The following AGO1 variants were observed in gnomAD, a reference collection of about 807,000 sequenced individuals.
AGO1 encodes the protein argonaute RISC component 1, also known as protein argonaute-1.
In AGO1, 11 loss-of-function variants were observed where a neutral mutation model predicts 109.2. The ratio of observed to expected loss-of-function variants is 0.10; its 90% CI spans 0.06 to 0.17. The LOEUF is 0.17. AGO1 is among the 10% of genes least tolerant of loss of function. The pLI is 1.00. For synonymous variants in AGO1, 422 were observed against 418.6 expected (o/e 1.01, Z -0.10); for missense variants, 574 against 1,140.3 (o/e 0.50, Z 7.15).
Position 35,888,333 on chromosome 1 carries a change from T to C in AGO1, c.26-94T>C. On this transcript the variant is annotated intron_variant, in intron 1 of 18. Transcript: ENST00000373204. The surrounding 1 kb of genome is among the most constrained non-coding windows in gnomAD (Gnocchi z 4.1). ...CAGGAAAGAGGCATTCTCTATACTCTCGTGTTCCTGTTCTGGGAGGCCTTG... is the reference window on the plus strand; with the variant it reads ...CAGGAAAGAGGCATTCTCTATACTCCCGTGTTCCTGTTCTGGGAGGCCTTG... The C allele has an allele frequency of 1.5e-6, 2 of 1,332,876 alleles. No individual in the cohort carries two copies. Among genetic ancestry groups the C allele is most frequent in the East Asian group, 2.3e-5 (1 of 43,162 alleles). The allele number at this position is 1,332,876 out of a possible 1,614,324, so 82.6% of individuals were successfully genotyped here. A position where few individuals can be genotyped will look rare whatever the true frequency, so the allele number is the denominator to read the frequency against.
intron 8 of AGO1, among the ~76,000 whole-genome samples, chr1:35,896,178 T>C (rs1323886122): frequency 1.3e-5 from 2 of 152,156 alleles, no homozygotes; most frequent in African/African-American, 4.8e-5. Flanking sequence ...TTTGTATTTT[T>C]AGTAGAGACG....
rs1444736178 is a variant in AGO1, at chr1:35,893,054, G to C, written c.331-43G>C. Reference sequence around the variant, plus strand: ...CATGGAGTTGGGGGTCATTCTCGCAGAGCAATGGCAATCCTTCATCCCTTT... The same window carrying C: ...CATGGAGTTGGGGGTCATTCTCGCACAGCAATGGCAATCCTTCATCCCTTT... On this transcript the variant is annotated intron_variant, in intron 3 of 18. Transcript: ENST00000373204. The surrounding 1 kb of genome is among the most constrained non-coding windows in gnomAD (Gnocchi z 5.6). 19 of 1,579,930 alleles carry C rather than the reference G, an allele frequency of 1.2e-5. No individual in the cohort carries two copies. Among genetic ancestry groups the C allele is most frequent in the Non-Finnish European group, 1.5e-5 (17 of 1,155,212 alleles).
At chr1:35,910,972 C>T (rs903872408) in intron 12 of AGO1, among the ~76,000 whole-genome samples, 7 of 151,942 alleles carry the variant, frequency 4.6e-5, no homozygotes, top group African/African-American at 9.7e-5. Flanking sequence ...AGGCTGAGGC[C>T]GGAGAATTGC....
At chr1:35,870,352 C>T (rs1644938423) in intron 1 of AGO1, among the ~76,000 whole-genome samples, 1 of 152,000 alleles carries the variant, frequency 6.6e-6, no homozygotes, top group East Asian at 1.9e-4. Context: ...GGCGCCATCT[C>T]GACCCACTGC....
chr1:35,878,421 TA>T (rs1645009424), upstream of AGO1, among the ~76,000 whole-genome samples: 1 of 152,178 alleles, frequency 6.6e-6, no homozygotes, highest in Non-Finnish European at 1.5e-5. Flanking sequence ...AAAGAAATTC[TA>T]AAATTACATA....
rs965274928 is a variant in AGO1, at chr1:35,919,266, G to A, written c.2465+12G>A. The stretch of plus-strand genomic sequence containing the variant: ...AAGGAGCATGACAGGTGAGGCCTGG[G>A]ATCAGGTTGGCCTCCTTTTTGCTTC... On this transcript the variant is annotated intron_variant, in intron 18 of 18. Coordinates refer to ENST00000373204, the MANE Select transcript of AGO1 (RefSeq NM_012199.5). The surrounding 1 kb of genome is among the most constrained non-coding windows in gnomAD (Gnocchi z 6.6). 1 of 1,610,650 alleles carries A rather than the reference G, an allele frequency of 6.2e-7. No individual in the cohort carries two copies. The highest frequency in any genetic ancestry group is 8.5e-7 in the Non-Finnish European group (1 of 1,178,524).
chr1:35,904,207 G>A (rs1290526787), intron 11 of AGO1, among the ~76,000 whole-genome samples: 1 of 143,334 alleles, frequency 7.0e-6, no homozygotes, highest in African/African-American at 2.6e-5. Context: ...CCGGGTTCAC[G>A]CCAGTCTCCT....
At chr1:35,911,191 C>T (rs548514366) in intron 12 of AGO1, among the ~76,000 whole-genome samples, 2 of 152,258 alleles carry the variant, frequency 1.3e-5, no homozygotes, top group East Asian at 1.9e-4. Context: ...TTTATCCTTT[C>T]ACCAGCAGTG....
intron 7 of AGO1, 59 bp downstream of exon 7, chr1:35,894,461 AC>A: frequency 6.5e-7 from 1 of 1,540,192 alleles, no homozygotes; most frequent in Non-Finnish European, 8.9e-7. Context: ...GAGATTTAAA[AC>A]TATCTTTCCC....
Position 35,893,053 on chromosome 1 carries a change from AG to A in AGO1, c.331-43del. On this transcript the variant is annotated intron_variant, in intron 3 of 18. Transcript: ENST00000373204. The surrounding 1 kb of genome is among the most constrained non-coding windows in gnomAD (Gnocchi z 5.6). Reference sequence around the variant, plus strand: ...CCATGGAGTTGGGGGTCATTCTCGCAGAGCAATGGCAATCCTTCATCCCTTT... The same window carrying A: ...CCATGGAGTTGGGGGTCATTCTCGCAAGCAATGGCAATCCTTCATCCCTTT... 1 of 1,573,618 alleles carries A rather than the reference AG, an allele frequency of 6.4e-7. No homozygotes were observed. The highest frequency in any genetic ancestry group is 2.3e-5 in the East Asian group (1 of 44,334).
At position 35,883,299 on chromosome 1, in the gene AGO1, C is replaced by G. The variant is rs1645059619; in HGVS notation, c.-123C>G. The G allele has an allele frequency of 6.9e-7, 1 of 1,445,250 alleles. No homozygotes were observed. Among genetic ancestry groups the G allele is most frequent in the Admixed American group, 3.6e-5 (1 of 28,116 alleles). The allele number at this position is 1,445,250 out of a possible 1,614,324, so 89.5% of individuals were successfully genotyped here. On this transcript the variant is annotated 5_prime_UTR_variant, in exon 1 of 19. Coordinates refer to ENST00000373204, the MANE Select transcript of AGO1 (RefSeq NM_012199.5). The surrounding 1 kb of genome is among the most constrained non-coding windows in gnomAD (Gnocchi z 5.4). ...CTGCGGGGGCGGCGGCGCGAGCGGC[C>G]GGGCTTGGTAGGGGAGCCGAGCCCG...
Position 35,917,732 on chromosome 1 carries a change from G to GTGAGGGAC in AGO1, c.2163+11_2163+18dup, listed in dbSNP as rs753667973. ...TGTGCTGACAAGAATGAGCGAGTGAGTGAGGGACTGAGGCCTCCCATCCCC... is the reference window on the plus strand; with the variant it reads ...TGTGCTGACAAGAATGAGCGAGTGAGTGAGGGACTGAGGGACTGAGGCCTCCCATCCCC... On this transcript the variant is annotated splice_donor_region_variant and intron_variant, in intron 16 of 18. Transcript: ENST00000373204. 3.4e-5 allele frequency: 55 copies of GTGAGGGAC among 1,611,674 alleles called. No homozygotes were observed. In the South Asian group the frequency reaches 5.8e-4, roughly 17 times the overall value.
At chr1:35,894,438 G>A (rs1386700346) in intron 7 of AGO1, 36 bp downstream of exon 7, 1 of 1,599,718 alleles carries the variant, frequency 6.3e-7, no homozygotes, top group African/African-American at 1.3e-5. Context: ...TACTTTGTTG[G>A]TGGAGAAGGG....
chr1:35,899,710 C>T (rs1645381562), intron 8 of AGO1, among the ~76,000 whole-genome samples: 1 of 152,174 alleles, frequency 6.6e-6, no homozygotes, highest in African/African-American at 2.4e-5. Context: ...GCTGGTTTTC[C>T]TTCCCATTGT....
At position 35,894,419 on chromosome 1, in the gene AGO1, G is replaced by A. The variant is rs755300287; in HGVS notation, c.872+17G>A. 1 of 1,612,872 alleles carries A rather than the reference G, an allele frequency of 6.2e-7. No individual in the cohort carries two copies. Among genetic ancestry groups the A allele is most frequent in the South Asian group, 1.1e-5 (1 of 90,996 alleles). On this transcript the variant is annotated intron_variant, in intron 7 of 18. Coordinates refer to ENST00000373204, the MANE Select transcript of AGO1 (RefSeq NM_012199.5). ...CCATCAGACGTAAGTTGGCAGGGGT[G>A]CTGAGTCATACTTTGTTGGTGGAGA... is the stretch of plus-strand genomic sequence containing the variant.
Position 35,893,423 on chromosome 1 carries a change from T to C in AGO1, c.512+145T>C. 3 of 975,066 alleles carry C rather than the reference T, an allele frequency of 3.1e-6. No homozygotes were observed. Among genetic ancestry groups the C allele is most frequent in the South Asian group, 1.7e-5 (1 of 58,294 alleles). The allele number at this position is 975,066 out of a possible 1,614,324, so 60.4% of individuals were successfully genotyped here. A position where few individuals can be genotyped will look rare whatever the true frequency, so the allele number is the denominator to read the frequency against. ...CTACCACTTGCCAGGCAAATGTGTATTTATATTTAGATGGTTTAAAGCCCT... is the reference window on the plus strand; with the variant it reads ...CTACCACTTGCCAGGCAAATGTGTACTTATATTTAGATGGTTTAAAGCCCT... On this transcript the variant is annotated intron_variant, in intron 4 of 18. Coordinates refer to ENST00000373204, the MANE Select transcript of AGO1 (RefSeq NM_012199.5). The surrounding 1 kb of genome is among the most constrained non-coding windows in gnomAD (Gnocchi z 5.6).
chr1:35,919,873 G>C lies in AGO1; in HGVS notation c.*266G>C, dbSNP rs911352318. 4.4e-6 allele frequency: 2 copies of C among 456,326 alleles called. No individual in the cohort carries two copies. Among genetic ancestry groups the C allele is most frequent in the African/African-American group, 3.9e-5 (2 of 51,266 alleles). 28.3% of individuals were successfully genotyped at this position (456,326 alleles called of 1,614,324 possible). A position where few individuals can be genotyped will look rare whatever the true frequency, so the allele number is the denominator to read the frequency against. Reference sequence around the variant, plus strand: ...TGGCCCTGACCCCACTGGACCAAAAGGGGCAGCACTGGTGCCCACCATACA... The same window carrying C: ...TGGCCCTGACCCCACTGGACCAAAACGGGCAGCACTGGTGCCCACCATACA... On this transcript the variant is annotated 3_prime_UTR_variant, in exon 19 of 19. Coordinates refer to ENST00000373204, the MANE Select transcript of AGO1 (RefSeq NM_012199.5). The surrounding 1 kb of genome is among the most constrained non-coding windows in gnomAD (Gnocchi z 6.6).
chr1:35,869,807 G>T (rs1279607868), upstream of AGO1: 2 of 152,166 alleles, frequency 1.3e-5, no homozygotes, highest in Non-Finnish European at 2.9e-5. Context: ...AGGGAAGCCC[G>T]TGAGGCAAGC....
At position 35,883,480 on chromosome 1, in the gene AGO1, T is replaced by C. The variant is rs779299398; in HGVS notation, c.25+34T>C. On this transcript the variant is annotated intron_variant, in intron 1 of 18. Coordinates refer to ENST00000373204, the MANE Select transcript of AGO1 (RefSeq NM_012199.5). The surrounding 1 kb of genome is among the most constrained non-coding windows in gnomAD (Gnocchi z 5.4). ...CCCCAGGAGGGGGAACGGTGCATGC[T>C]CCAAGGACTGGGGGATCCCGCATGA... 2 of 1,537,640 alleles carry C rather than the reference T, an allele frequency of 1.3e-6. No homozygotes were observed. Among genetic ancestry groups the C allele is most frequent in the Non-Finnish European group, 1.7e-6 (2 of 1,149,478 alleles).
Sources: gnomAD v4.1 joint callset for allele counts (sites outside exome capture counted in the v4.1 genomes callset) on GRCh38, gnomAD v4.1.1 for gene constraint, Gnocchi (gnomAD v3.1) non-coding constraint, MANE v1.5 for transcripts, NCBI Gene and HGNC (gene_info 2026-07-23, HGNC 2026-07-21) for gene names.